Variants in PTPRN observed in about 807,000 individuals in gnomAD.
The protein encoded by PTPRN is receptor-type tyrosine-protein phosphatase-like N.
In PTPRN, 70 loss-of-function variants were observed where a neutral mutation model predicts 108.5. The observed-to-expected ratio is 0.65, with a 90% CI of 0.53 to 0.79. PTPRN has a LOEUF of 0.79. PTPRN is among the 30% of genes least tolerant of loss of function. The pLI is 0.00. For missense variants in PTPRN, 1,136 were observed against 1,295.5 expected, an observed-to-expected ratio of 0.88 and a Z score of 1.89; for synonymous variants, 496 against 524.6, an observed-to-expected ratio of 0.95 and a Z score of 0.75.
intron 19 of PTPRN, 62 bp downstream of exon 19, chr2:219,294,913 G>GAA: frequency 1.5e-6 from 2 of 1,370,752 alleles, no homozygotes; most frequent in Non-Finnish European, 1.9e-6. Flanking sequence ...GCCGAGCGGC[G>GAA]GGCGGACCCC....
chr2:219,289,761 G>A lies in PTPRN; in HGVS notation c.*465C>T, dbSNP rs1952012243. The A allele has an allele frequency of 6.0e-6, 1 of 167,368 alleles. No homozygotes were observed. Among genetic ancestry groups the A allele is most frequent in the African/African-American group, 2.4e-5 (1 of 41,828 alleles). 10.4% of individuals were successfully genotyped at this position (167,368 alleles called of 1,614,324 possible). On this transcript the variant is annotated 3_prime_UTR_variant, in exon 23 of 23. Transcript: ENST00000295718. The stretch of plus-strand genomic sequence containing the variant: ...GGTGGTGGGAGGAGGCTGGGCGTGA[G>A]GCCAGGGAGGGCAGAGCGCCCAAGT...
At chr2:219,292,426 G>A (rs141151597) in intron 19 of PTPRN, 1 of 152,326 alleles carries the variant, frequency 6.6e-6, no homozygotes, top group African/African-American at 2.4e-5. Flanking sequence ...CCAGAACCAG[G>A]GAAGACCTTC....
chr2:219,290,679 G>A lies in PTPRN; in HGVS notation c.2795-68C>T. 1.3e-6 allele frequency: 2 copies of A among 1,493,486 alleles called. No homozygotes were observed. The highest frequency in any genetic ancestry group is 1.8e-6 in the Non-Finnish European group (2 of 1,092,100). 92.5% of individuals were successfully genotyped at this position (1,493,486 alleles called of 1,614,324 possible). A position where few individuals can be genotyped will look rare whatever the true frequency, so the allele number is the denominator to read the frequency against. ...GAGGAGGACAGGACCCAGAAAACCT[G>A]AGGCCTCCTGGAGGCAAAGAGCCTT... is the stretch of plus-strand genomic sequence containing the variant. On this transcript the variant is annotated intron_variant, in intron 21 of 22. Transcript: ENST00000295718. This position sits in a 1 kb window ranked among gnomAD's most constrained non-coding sequence, Gnocchi z 4.2.
chr2:219,308,733 G>T (rs999289624), intron 1 of PTPRN: 3 of 959,544 alleles, frequency 3.1e-6, no homozygotes, highest in African/African-American at 3.5e-5. Context: ...GCTGCAATCA[G>T]CTTCTCTAGG....
intron 10 of PTPRN, 70 bp downstream of exon 10, chr2:219,299,630 C>T: frequency 6.9e-7 from 1 of 1,449,770 alleles, no homozygotes; most frequent in Non-Finnish European, 9.5e-7. Context: ...CCGCAGGCCC[C>T]TCCAGCCACC....
chr2:219,305,657 A>C (rs1021690190), intron 3 of PTPRN, among the ~76,000 whole-genome samples: 2 of 152,176 alleles, frequency 1.3e-5, no homozygotes, highest in African/African-American at 4.8e-5. Context: ...TATGCCAAAG[A>C]ATTCCAAATT....
In PTPRN at chr2:219,301,831, C is replaced by T. The variant is rs893459470; in HGVS notation, c.995-112G>A. The T allele has an allele frequency of 2.3e-6, 3 of 1,305,132 alleles. No homozygotes were observed. In the East Asian group the frequency reaches 7.5e-5, roughly 32 times the overall value. 80.8% of individuals were successfully genotyped at this position (1,305,132 alleles called of 1,614,324 possible). A position where few individuals can be genotyped will look rare whatever the true frequency, so the allele number is the denominator to read the frequency against. Reference sequence around the variant, plus strand: ...AGCATGTTAAGAGAGTCTTCCCAGACACCAGGACACCAAGAGATGCCCTCC... The same window carrying T: ...AGCATGTTAAGAGAGTCTTCCCAGATACCAGGACACCAAGAGATGCCCTCC... On this transcript the variant is annotated intron_variant, in intron 6 of 22. Coordinates refer to ENST00000295718, the MANE Select transcript of PTPRN (RefSeq NM_002846.4).
Position 219,297,194 on chromosome 2 carries a change from C to T in PTPRN, c.2088+39G>A. 1.2e-6 allele frequency: 2 copies of T among 1,610,900 alleles called. No homozygotes were observed. Among genetic ancestry groups the T allele is most frequent in the South Asian group, 1.1e-5 (1 of 90,790 alleles). ...GCCAGCCTGGCCTCTCTCACCATCC[C>T]ATTCCTTCACCCACTCTGGGCCCAG... On this transcript the variant is annotated intron_variant, in intron 14 of 22. Coordinates refer to ENST00000295718, the MANE Select transcript of PTPRN (RefSeq NM_002846.4). The surrounding 1 kb of genome is among the most constrained non-coding windows in gnomAD (Gnocchi z 6.0).
chr2:219,295,580 TCTG>T (rs1952171692), intron 18 of PTPRN: 1 of 157,298 alleles, frequency 6.4e-6, no homozygotes, highest in Admixed American at 6.5e-5. Context: ...ATGAGAAGCT[TCTG>T]CTGTGTTCTT....
intron 8 of PTPRN, among the ~76,000 whole-genome samples, chr2:219,300,662 C>G (rs1427145627): frequency 6.6e-6 from 1 of 152,182 alleles, no homozygotes; most frequent in Non-Finnish European, 1.5e-5. Flanking sequence ...GAAGGGCTCT[C>G]TGCTCGAAAC....
At chr2:219,303,935 G>A in intron 3 of PTPRN, 104 bp from the exon 4 acceptor site, 1 of 814,472 alleles carries the variant, frequency 1.2e-6, no homozygotes, top group Non-Finnish European at 1.9e-6. Flanking sequence ...AGCTCATGGG[G>A]TTTGTCAGAG....
chr2:219,299,863 G>T, intron 9 of PTPRN, 77 bp from the exon 10 acceptor site: 1 of 1,552,854 alleles, frequency 6.4e-7, no homozygotes, highest in Non-Finnish European at 8.8e-7. Flanking sequence ...CCACTCCAGG[G>T]GTACAGAGCA....
At position 219,290,762 on chromosome 2, in the gene PTPRN, C is replaced by T; in HGVS notation, c.2794+64G>A. 6.4e-7 allele frequency: 1 copy of T among 1,555,252 alleles called. No individual in the cohort carries two copies. Among genetic ancestry groups the T allele is most frequent in the Non-Finnish European group, 8.9e-7 (1 of 1,127,034 alleles). The stretch of plus-strand genomic sequence containing the variant: ...CTGCTCCTTCTGAGCTCCCAGGACC[C>T]TGTGTGCTGGGGAGCCTCTAAAAAG... On this transcript the variant is annotated intron_variant, in intron 21 of 22. Transcript: ENST00000295718. This position sits in a 1 kb window ranked among gnomAD's most constrained non-coding sequence, Gnocchi z 4.2.
chr2:219,293,944 G>A (rs557782621), intron 19 of PTPRN, among the ~76,000 whole-genome samples: 13 of 152,326 alleles, frequency 8.5e-5, no homozygotes, highest in Admixed American at 4.6e-4. Context: ...TTGGAAAAGG[G>A]TAAGTCCCTC....
chr2:219,297,987 A>G lies in PTPRN; in HGVS notation c.1785T>C (p.Ala595=). The G allele has an allele frequency of 6.2e-7, 1 of 1,613,910 alleles. No homozygotes were observed. The highest frequency in any genetic ancestry group is 8.5e-7 in the Non-Finnish European group (1 of 1,179,974). Residue 595 remains alanine, a synonymous_variant, in exon 13 of 23, where the codon GCT becomes GCC. Coordinates refer to ENST00000295718, the MANE Select transcript of PTPRN (RefSeq NM_002846.4). The surrounding 1 kb of genome is among the most constrained non-coding windows in gnomAD (Gnocchi z 6.0). ...CATGCTGCCGCACACACAGAGCCAC[A>G]GCCAGAGCCACCAGCAGCCCAGCCA... The part of the protein sequence containing the change: ...AGVAGLLVAL[A]VALCVRQHAR...
chr2:219,296,010 G>T lies in PTPRN; in HGVS notation c.2508+216C>A. On this transcript the variant is annotated intron_variant, in intron 18 of 22. Coordinates refer to ENST00000295718, the MANE Select transcript of PTPRN (RefSeq NM_002846.4). This position sits in a 1 kb window ranked among gnomAD's most constrained non-coding sequence, Gnocchi z 6.0. ...CACACACACACACACACACATGTAT[G>T]TTCTGTAAACAGGACACACACATGT... 2 of 605,830 alleles carry T rather than the reference G, an allele frequency of 3.3e-6. No individual in the cohort carries two copies. Among genetic ancestry groups the T allele is most frequent in the Non-Finnish European group, 5.6e-6 (2 of 359,000 alleles). The allele number at this position is 605,830 out of a possible 1,614,324, so 37.5% of individuals were successfully genotyped here.
At chr2:219,304,418 G>A (rs1342999269) in intron 3 of PTPRN, among the ~76,000 whole-genome samples, 4 of 151,792 alleles carry the variant, frequency 2.6e-5, no homozygotes, top group African/African-American at 4.8e-5. Context: ...CTTCATTGTC[G>A]TCATCATCAT....
chr2:219,298,843 T>G (rs529292190), intron 12 of PTPRN, among the ~76,000 whole-genome samples: 4 of 152,388 alleles, frequency 2.6e-5, no homozygotes, highest in Non-Finnish European at 5.9e-5. Context: ...TACAGAGGGC[T>G]GGTCCTGCAG....
chr2:219,303,842 A>G lies in PTPRN; in HGVS notation c.281-11T>C, dbSNP rs550957959. 39 of 1,603,822 alleles carry G rather than the reference A, an allele frequency of 2.4e-5. No homozygotes were observed. In the Admixed American group the frequency reaches 3.9e-4, roughly 16 times the overall value. On this transcript the variant is annotated splice_polypyrimidine_tract_variant and intron_variant, in intron 3 of 22. Coordinates refer to ENST00000295718, the MANE Select transcript of PTPRN (RefSeq NM_002846.4). ...CGTGCCAGGACAATCCTGTCAGGAA[A>G]GAGGACAGCGTAAGTTGGTTCAGGA...
Sources: allele counts gnomAD v4.1 joint callset (sites outside exome capture counted in the v4.1 genomes callset), GRCh38; gene constraint gnomAD v4.1.1; non-coding constraint Gnocchi (gnomAD v3.1); transcripts MANE v1.5; gene names NCBI Gene and HGNC (gene_info 2026-07-23, HGNC 2026-07-21).